The following PCSK6 variants were observed in gnomAD, a reference collection of about 807,000 sequenced individuals.
PCSK6 encodes paired basic amino acid cleaving enzyme 4.
A neutral mutation model predicts 123.3 loss-of-function variants in PCSK6; 85 were observed. The observed-to-expected ratio is 0.69, with a 90% CI of 0.58 to 0.83. The LOEUF is 0.83. PCSK6 is among the 40% of genes least tolerant of loss of function. The pLI is 0.00. For synonymous variants in PCSK6, 508 were observed against 516.0 expected (o/e 0.98, Z 0.21); for missense variants, 1,191 against 1,282.3 (o/e 0.93, Z 1.09).
chr15:101,367,820 T>C (rs1248804901), intron 12 of PCSK6, among the ~76,000 whole-genome samples: 1 of 150,806 alleles, frequency 6.6e-6, no homozygotes, highest in Non-Finnish European at 1.5e-5. Flanking sequence ...AGGGTAGTTT[T>C]TGTTTGTTTG....
chr15:101,454,256 A>C (rs2057114759), intron 1 of PCSK6, among the ~76,000 whole-genome samples: 2 of 152,374 alleles, frequency 1.3e-5, no homozygotes, highest in South Asian at 4.1e-4. Flanking sequence ...TCAAATTTTC[A>C]CTTAAAAATA....
intron 20 of PCSK6, chr15:101,308,114 C>A (rs1316364626): frequency 6.6e-6 from 1 of 152,312 alleles, no homozygotes; most frequent in African/African-American, 2.4e-5. Flanking sequence ...ACAGAAAGCA[C>A]TTGCCGATGC....
chr15:101,432,478 A>C, intron 2 of PCSK6, among the ~76,000 whole-genome samples: 1 of 151,666 alleles, frequency 6.6e-6, no homozygotes, highest in East Asian at 1.9e-4. Flanking sequence ...AAAAAAAAAA[A>C]TCTAGCTGGG....
chr15:101,317,334 C>T (rs1432496476), intron 19 of PCSK6, among the ~76,000 whole-genome samples: 3 of 152,134 alleles, frequency 2.0e-5, no homozygotes, highest in Non-Finnish European at 2.9e-5. Flanking sequence ...AAAACATATC[C>T]GAGCCCACAG....
chr15:101,350,569 T>C (rs74716931), intron 13 of PCSK6, among the ~76,000 whole-genome samples: 3,614 of 152,342 alleles, frequency 0.024, 145 homozygotes, highest in African/African-American at 0.083. Flanking sequence ...AATAGTTTGA[T>C]TTATTAAACA....
chr15:101,307,294 A>T lies in PCSK6; in HGVS notation c.2731T>A (p.Ser911Thr), dbSNP rs2039746888. The T allele has an allele frequency of 6.2e-7, 1 of 1,613,520 alleles. No individual in the cohort carries two copies. The highest frequency in any genetic ancestry group is 8.5e-7 in the Non-Finnish European group (1 of 1,179,766). ...CDENCLSCAG[S>T]SRNCSRCKTG... ...TTACACCTGCTACAGTTCCTGCTGG[A>T]GCCTGCACAGCTCAAGCAGTTCTCG... Residue 911 changes from serine to threonine, a missense_variant, in exon 21 of 22, where the codon TCC (serine) becomes ACC (threonine). Physicochemically the swap from Ser to Thr is moderately conservative, Grantham distance 58. Transcript: ENST00000611716.
intron 11 of PCSK6, among the ~76,000 whole-genome samples, chr15:101,378,002 T>C (rs2041801250): frequency 6.6e-6 from 1 of 152,206 alleles, no homozygotes; most frequent in Admixed American, 6.5e-5. Flanking sequence ...GTCATGCATA[T>C]CATACACTGT....
At chr15:101,402,098 C>G (rs1307062946) in intron 6 of PCSK6, among the ~76,000 whole-genome samples, 1 of 149,986 alleles carries the variant, frequency 6.7e-6, no homozygotes, top group African/African-American at 2.5e-5. Context: ...CAGAACAGAG[C>G]CCTCAGAAAT....
chr15:101,389,585 G>A, intron 8 of PCSK6, 21 bp from the exon 9 acceptor site: 1 of 1,580,106 alleles, frequency 6.3e-7, no homozygotes. Context: ...GAGAAGCACA[G>A]TGAGGCAGTG....
chr15:101,442,739 T>C (rs80212524), intron 2 of PCSK6, among the ~76,000 whole-genome samples: 1,820 of 152,344 alleles, frequency 0.012, 40 homozygotes, highest in African/African-American at 0.04. Flanking sequence ...CCTAAAACTA[T>C]GATTTACCAA....
intron 11 of PCSK6, among the ~76,000 whole-genome samples, chr15:101,375,538 C>T (rs969850312): frequency 1.3e-5 from 2 of 152,344 alleles, no homozygotes; most frequent in South Asian, 2.1e-4. Flanking sequence ...AGTCAATCCT[C>T]ATTATTCACA....
chr15:101,305,574 G>C lies in PCSK6; in HGVS notation c.2813-219C>G. 4.3e-6 allele frequency: 2 copies of C among 469,488 alleles called. No homozygotes were observed. The highest frequency in any genetic ancestry group is 4.1e-5 in the East Asian group (1 of 24,680). 29.1% of individuals were successfully genotyped at this position (469,488 alleles called of 1,614,324 possible). ...AATATAAAAATTAGCTGGGCATGGT[G>C]GTGGGCACCTGTAATCCAAGCTACT... is the stretch of plus-strand genomic sequence containing the variant. On this transcript the variant is annotated intron_variant, in intron 21 of 21. Coordinates refer to ENST00000611716, the MANE Select transcript of PCSK6 (RefSeq NM_002570.5). This position sits in a 1 kb window ranked among gnomAD's most constrained non-coding sequence, Gnocchi z 4.8.
chr15:101,467,016 C>T (rs572168566), intron 1 of PCSK6, among the ~76,000 whole-genome samples: 1 of 152,226 alleles, frequency 6.6e-6, no homozygotes, highest in South Asian at 2.1e-4. Context: ...TATAACTTAA[C>T]AGAATTGTTA....
chr15:101,473,373 G>A (rs1279558306), intron 1 of PCSK6, among the ~76,000 whole-genome samples: 1 of 152,218 alleles, frequency 6.6e-6, no homozygotes, highest in African/African-American at 2.4e-5. Context: ...CTCCCAAAGT[G>A]TTGGGATTAC....
At chr15:101,373,318 G>A (rs527429081) in intron 11 of PCSK6, among the ~76,000 whole-genome samples, 3 of 152,166 alleles carry the variant, frequency 2.0e-5, no homozygotes, top group African/African-American at 4.8e-5. Context: ...TGGGGGCTAG[G>A]AGCCCAGCAG....
At chr15:101,419,726 T>C (rs2141083758) in intron 6 of PCSK6, among the ~76,000 whole-genome samples, 1 of 152,012 alleles carries the variant, frequency 6.6e-6, no homozygotes, top group South Asian at 2.1e-4. Flanking sequence ...AGCGTGGTAT[T>C]GTTAGGGCTT....
At chr15:101,327,395 T>A (rs1162987416) in intron 15 of PCSK6, among the ~76,000 whole-genome samples, 1 of 152,180 alleles carries the variant, frequency 6.6e-6, no homozygotes. Context: ...CTCCCCACGC[T>A]GGTCGGCAGG....
intron 11 of PCSK6, 57 bp from the exon 12 acceptor site, chr15:101,370,580 A>G: frequency 4.4e-6 from 6 of 1,375,640 alleles, no homozygotes; most frequent in Non-Finnish European, 5.7e-6. Flanking sequence ...TCTCACCCAC[A>G]CAGCCAGGAG....
chr15:101,358,248 G>A (rs909244615), intron 13 of PCSK6, among the ~76,000 whole-genome samples: 3 of 152,178 alleles, frequency 2.0e-5, no homozygotes, highest in Non-Finnish European at 2.9e-5. Context: ...AAGGACAGCC[G>A]TACCCTTGGG....
Sources: gnomAD v4.1 joint callset for allele counts (sites outside exome capture counted in the v4.1 genomes callset) on GRCh38, gnomAD v4.1.1 for gene constraint, Gnocchi (gnomAD v3.1) non-coding constraint, MANE v1.5 for transcripts, NCBI Gene and HGNC (gene_info 2026-07-23, HGNC 2026-07-21) for gene names.